Variants in PTPRG observed in about 807,000 individuals in gnomAD.
The protein encoded by PTPRG is protein tyrosine phosphatase receptor type G.
A neutral mutation model predicts 165.3 loss-of-function variants in PTPRG; 102 were observed. The observed-to-expected ratio is 0.62, with a 90% CI of 0.53 to 0.73. The LOEUF (loss-of-function observed/expected upper bound fraction) is 0.73, where lower values mean the gene tolerates loss of function less well. PTPRG is among the 30% of genes least tolerant of loss of function. The pLI is 0.00. For missense variants in PTPRG, 1,866 were observed against 1,861.4 expected, an observed-to-expected ratio of 1.00 and a Z score of -0.05; for synonymous variants, 675 against 669.5, an observed-to-expected ratio of 1.01 and a Z score of -0.13.
Position 62,282,749 on chromosome 3 carries a change from G to A in PTPRG, c.3935G>A (p.Arg1312Gln), listed in dbSNP as rs1297131154. ...CAGGATGACTATGTCTTAGAAGTTC[G>A]GCACTTTCAGTGTCCCAAATGGCCT... ...ATQDDYVLEVRHFQCPKWPNP... is the reference protein window; with the variant it reads ...ATQDDYVLEVQHFQCPKWPNP... The change falls in exon 28 of 30, where the codon CGG (arginine) becomes CAG (glutamine). Residue 1312 changes from arginine to glutamine, a missense_variant. By Grantham distance (43) the Arg-to-Gln change is conservative. Coordinates refer to ENST00000474889, the MANE Select transcript of PTPRG (RefSeq NM_002841.4). 8 of 1,611,302 alleles carry A rather than the reference G, an allele frequency of 5.0e-6. No homozygotes were observed. In the Admixed American group the frequency reaches 6.7e-5, roughly 14 times the overall value.
At chr3:62,247,597 C>G (rs1473405179) in intron 15 of PTPRG, among the ~76,000 whole-genome samples, 1 of 152,018 alleles carries the variant, frequency 6.6e-6, no homozygotes, top group Non-Finnish European at 1.5e-5. Context: ...CTTTTCCTTC[C>G]TGAGAGAAAG....
intron 5 of PTPRG, among the ~76,000 whole-genome samples, chr3:62,129,551 T>C (rs1324247132): frequency 2.6e-5 from 4 of 152,100 alleles, no homozygotes; most frequent in African/African-American, 7.2e-5. Flanking sequence ...AGAGAGAGAA[T>C]GTGAGAGAGC....
chr3:62,272,131 T>C (rs1702087329), intron 21 of PTPRG, among the ~76,000 whole-genome samples: 1 of 152,010 alleles, frequency 6.6e-6, no homozygotes, highest in East Asian at 1.9e-4. Context: ...AAATCCCCAT[T>C]GTTTATAGGA....
intron 2 of PTPRG, among the ~76,000 whole-genome samples, chr3:61,857,967 C>A (rs2037159151): frequency 1.3e-5 from 2 of 152,184 alleles, no homozygotes; most frequent in Admixed American, 1.3e-4. Context: ...CCTCTTAACA[C>A]CAGGTCTTTA....
chr3:61,723,203 T>C (rs976431474), intron 1 of PTPRG, among the ~76,000 whole-genome samples: 3 of 152,248 alleles, frequency 2.0e-5, no homozygotes, highest in African/African-American at 7.2e-5. Flanking sequence ...TTTGTTTTAT[T>C]TCCCAGTATT....
intron 2 of PTPRG, among the ~76,000 whole-genome samples, chr3:61,765,424 AT>A (rs1176736809): frequency 1.3e-5 from 2 of 152,050 alleles, no homozygotes; most frequent in Admixed American, 6.5e-5. Flanking sequence ...TGACTATGCC[AT>A]TTGTCAACTC....
chr3:61,733,965 T>C (rs1206515521), intron 1 of PTPRG, among the ~76,000 whole-genome samples: 1 of 152,124 alleles, frequency 6.6e-6, no homozygotes, highest in Non-Finnish European at 1.5e-5. Context: ...ACCTGGCTAA[T>C]TTTTGTATTT....
chr3:62,126,713 C>G (rs1039085175), intron 5 of PTPRG, among the ~76,000 whole-genome samples: 19 of 152,230 alleles, frequency 1.2e-4, no homozygotes, highest in African/African-American at 4.3e-4. Flanking sequence ...AAGCAATTCT[C>G]TAGACCAGGA....
chr3:61,914,105 T>C lies in PTPRG; in HGVS notation c.191-75520T>C, dbSNP rs560992699. On this transcript the variant is annotated intron_variant, in intron 2 of 29. Transcript: ENST00000474889. ...TGGAAACCTTGGTTCATGGAGTTAC[T>C]TTTCCTCTCATCTACAGTTCAGTGG... is the stretch of plus-strand genomic sequence containing the variant. Among the ~76,000 whole-genome samples, 8 of 152,324 alleles carry C rather than the reference T, an allele frequency of 5.3e-5. No individual in the cohort carries two copies. In the East Asian group the frequency reaches 1.3e-3, roughly 26 times the overall value.
At chr3:62,155,869 T>C (rs1214303791) in intron 6 of PTPRG, among the ~76,000 whole-genome samples, 1 of 152,118 alleles carries the variant, frequency 6.6e-6, no homozygotes, top group Non-Finnish European at 1.5e-5. Flanking sequence ...GGTGTGTCTA[T>C]GAGGTCACCT....
intron 8 of PTPRG, among the ~76,000 whole-genome samples, chr3:62,183,096 C>T (rs1239839262): frequency 6.6e-6 from 1 of 152,170 alleles, no homozygotes; most frequent in Non-Finnish European, 1.5e-5. Context: ...GCAGTCTGAC[C>T]CTAGAGTAAG....
intron 2 of PTPRG, among the ~76,000 whole-genome samples, chr3:61,784,894 T>A (rs1256465869): frequency 6.6e-6 from 1 of 152,206 alleles, no homozygotes; most frequent in African/African-American, 2.4e-5. Context: ...TGAAAACGGA[T>A]GAATTTAAAA....
intron 4 of PTPRG, among the ~76,000 whole-genome samples, chr3:62,054,696 G>A (rs1362183739): frequency 6.6e-6 from 1 of 152,196 alleles, no homozygotes; most frequent in Non-Finnish European, 1.5e-5. Flanking sequence ...AAGCAGAAAT[G>A]GAAATCTTTG....
intron 1 of PTPRG, among the ~76,000 whole-genome samples, chr3:61,745,380 C>CCCTCACT (rs2033158940): frequency 1.3e-5 from 2 of 152,134 alleles, no homozygotes; most frequent in African/African-American, 4.8e-5. Context: ...ACACACCATG[C>CCCTCACT]GCTGATTTCC....
At chr3:62,039,071 A>G (rs1017907901) in intron 4 of PTPRG, among the ~76,000 whole-genome samples, 1 of 152,122 alleles carries the variant, frequency 6.6e-6, no homozygotes, top group Non-Finnish European at 1.5e-5. Flanking sequence ...AGTAGCTGGA[A>G]CTACAGGCAC....
intron 1 of PTPRG, among the ~76,000 whole-genome samples, chr3:61,568,684 C>T (rs182258286): frequency 3.9e-4 from 60 of 151,906 alleles, no homozygotes; most frequent in Non-Finnish European, 7.5e-4. Flanking sequence ...CCCAGGCGGA[C>T]GGAACATGAG....
At chr3:62,073,120 A>G (rs1316386452) in intron 4 of PTPRG, among the ~76,000 whole-genome samples, 1 of 152,218 alleles carries the variant, frequency 6.6e-6, no homozygotes, top group African/African-American at 2.4e-5. Context: ...ATAAATAGAA[A>G]CAAAAATAAA....
intron 10 of PTPRG, among the ~76,000 whole-genome samples, chr3:62,200,802 A>C (rs1015835489): frequency 6.6e-6 from 1 of 152,190 alleles, no homozygotes; most frequent in African/African-American, 2.4e-5. Context: ...ATAACAGTAC[A>C]CAAAAGGTAA....
At chr3:61,953,591 T>TG (rs2039951413) in intron 2 of PTPRG, among the ~76,000 whole-genome samples, 1 of 152,124 alleles carries the variant, frequency 6.6e-6, no homozygotes, top group Admixed American at 6.5e-5. Flanking sequence ...GGTGGTTCTA[T>TG]GGGGAGGGGA....
Sources: gnomAD v4.1 joint callset for allele counts (sites outside exome capture counted in the v4.1 genomes callset) on GRCh38, gnomAD v4.1.1 for gene constraint, MANE v1.5 for transcripts, NCBI Gene and HGNC (gene_info 2026-07-23, HGNC 2026-07-21) for gene names.